The following TRPA1 variants were observed in gnomAD, a reference collection of about 807,000 sequenced individuals.
TRPA1 encodes the protein transient receptor potential cation channel subfamily A member 1, also known as ankyrin-like with transmembrane domains 1.
Under a neutral mutation model 131.3 loss-of-function variants are expected in TRPA1, and 129 were observed. The observed-to-expected ratio is 0.98, with a 90% CI of 0.85 to 1.14. The LOEUF (loss-of-function observed/expected upper bound fraction) is 1.14, where lower values mean the gene tolerates loss of function less well. Ranked by LOEUF, TRPA1 falls within the 50% of genes most tolerant of loss-of-function variation. The pLI is 0.00. For missense variants in TRPA1, 1,304 were observed against 1,354.2 expected (o/e 0.96, Z 0.58); for synonymous variants, 441 against 451.7 (o/e 0.98, Z 0.30).
rs117569220 is a variant in TRPA1 at position 72,046,422 on chromosome 8, A to G, written c.2061+91T>C. Reference sequence around the variant, plus strand: ...TTTCTCATATGTAACTAACCTGCACAATGTGCACATGTACCCTAAAACTTA... The same window carrying G: ...TTTCTCATATGTAACTAACCTGCACGATGTGCACATGTACCCTAAAACTTA... On this transcript the variant is annotated intron_variant, in intron 17 of 26. Coordinates refer to ENST00000262209, the MANE Select transcript of TRPA1 (RefSeq NM_007332.3). 4.1e-3 allele frequency: 2,889 copies of G among 706,756 alleles called. 81 individuals are homozygous for G. In the East Asian group the frequency reaches 0.058, roughly 14 times the overall value. 43.8% of individuals were successfully genotyped at this position (706,756 alleles called of 1,614,324 possible).
chr8:72,057,031 C>T lies in TRPA1; in HGVS notation c.1094-14G>A, dbSNP rs756730185. ...CTACTTGGGCACCTAAAAAAAAACA[C>T]TATGTAAATATAAATTCTATTCATT... On this transcript the variant is annotated splice_polypyrimidine_tract_variant and intron_variant, in intron 9 of 26. Coordinates refer to ENST00000262209, the MANE Select transcript of TRPA1 (RefSeq NM_007332.3). The T allele has an allele frequency of 3.0e-5, 46 of 1,548,154 alleles. No homozygotes were observed. Among genetic ancestry groups the T allele is most frequent in the Non-Finnish European group, 3.8e-5 (43 of 1,129,700 alleles).
In TRPA1 at chr8:72,047,207, C is replaced by T. The variant is rs532228813; in HGVS notation, c.1906G>A (p.Val636Ile). 3.1e-6 allele frequency: 5 copies of T among 1,610,412 alleles called. No homozygotes were observed. In the South Asian group the frequency reaches 3.3e-5, roughly 11 times the overall value. ...MIEYLPECMKVLLDFCMLHST... is the reference protein window; with the variant it reads ...MIEYLPECMKILLDFCMLHST... ...TGCAACATGCAGAAATCTAAAAGTA[C>T]CTTTGAAAGAGAAAAACCAGCTAAG... Residue 636 changes from valine to isoleucine, a missense_variant and splice_region_variant, in exon 16 of 27, where the codon GTA becomes ATA. By Grantham distance (29) the Val-to-Ile change is conservative. Coordinates refer to ENST00000262209, the MANE Select transcript of TRPA1 (RefSeq NM_007332.3).
chr8:72,046,649 G>C (rs778160392), intron 16 of TRPA1, 41 bp from the exon 17 acceptor site: 2 of 1,053,386 alleles, frequency 1.9e-6, no homozygotes, highest in South Asian at 2.7e-5. Context: ...TGTACAGTTA[G>C]TCAAGTATAG....
At position 72,047,197 on chromosome 8, in the gene TRPA1, T is replaced by C; in HGVS notation, c.1916A>G (p.Asp639Gly). 1 of 1,611,244 alleles carries C rather than the reference T, an allele frequency of 6.2e-7. No individual in the cohort carries two copies. Among genetic ancestry groups the C allele is most frequent in the Non-Finnish European group, 8.5e-7 (1 of 1,178,060 alleles). The change falls in exon 16 of 27, where the codon GAT (aspartate) becomes GGT (glycine). Residue 639 changes from aspartate to glycine, a missense_variant. Transcript: ENST00000262209. The part of the protein sequence containing the change: ...YLPECMKVLL[D>G]FCMLHSTEDK... ...TTCTGTGGAATGCAACATGCAGAAA[T>C]CTAAAAGTACCTTTGAAAGAGAAAA... is the stretch of plus-strand genomic sequence containing the variant.
At position 72,062,802 on chromosome 8, in the gene TRPA1, C is replaced by T. The variant is rs1204094458; in HGVS notation, c.804G>A (p.Val268=). The T allele has an allele frequency of 6.2e-6, 10 of 1,613,800 alleles. No individual in the cohort carries two copies. Among genetic ancestry groups the T allele is most frequent in the South Asian group, 1.1e-5 (1 of 91,068 alleles). Residue 268 remains valine (V), a synonymous_variant, in exon 6 of 27, where the codon GTG becomes GTA. Transcript: ENST00000262209. ...TATATAGAATATGAAGAGTTACCTC[C>T]ACTGGGTCTATTTGTGCACCATTGT... ...CLDNGAQIDP[V]EKGRCTAIHF... is the part of the protein sequence containing the mutation.
At chr8:72,056,172 C>A (rs573533393) in intron 10 of TRPA1, 1 of 364,492 alleles carries the variant, frequency 2.7e-6, no homozygotes, top group Non-Finnish European at 5.1e-6. Context: ...GCCCTTCCCT[C>A]TGCCCCTCCT....
At chr8:72,082,702 A>G in the TRPA1 span, among the ~76,000 whole-genome samples, 1 of 151,308 alleles carries the variant, frequency 6.6e-6, no homozygotes, top group Non-Finnish European at 1.5e-5. Context: ...TTTCAATTAG[A>G]TAAGTAGTTT....
At chr8:72,036,031 G>A (rs80154018) in intron 21 of TRPA1, among the ~76,000 whole-genome samples, 7,223 of 93,656 alleles carry the variant, frequency 0.077, 249 homozygotes, top group African/African-American at 0.11. Context: ...AAAAAAAAAA[G>A]AAGAAGAAGA....
chr8:72,036,376 A>G lies in TRPA1; in HGVS notation c.2467T>C (p.Phe823Leu), dbSNP rs1474680327. 2 of 1,614,208 alleles carry G rather than the reference A, an allele frequency of 1.2e-6. No homozygotes were observed. Among genetic ancestry groups the G allele is most frequent in the East Asian group, 2.2e-5 (1 of 44,884 alleles). The change falls in exon 21 of 27, where the codon TTT (phenylalanine) becomes CTT (leucine). Residue 823 changes from phenylalanine (F) to leucine (L), a missense_variant. Phe to Leu is a conservative substitution (Grantham distance 22, BLOSUM62 0). Transcript: ENST00000262209. ...TGCAGATGAGCTGGTATTTCAACAAACAAGGGCAGCACAAAAATGATGCCC... is the reference window on the plus strand; with the variant it reads ...TGCAGATGAGCTGGTATTTCAACAAGCAAGGGCAGCACAAAAATGATGCCC... ...TTGIIFVLPLFVEIPAHLQWQ... is the reference protein window; with the variant it reads ...TTGIIFVLPLLVEIPAHLQWQ...
intron 22 of TRPA1, among the ~76,000 whole-genome samples, 170 bp from the exon 23 acceptor site, chr8:72,033,996 A>C (rs1394461113): frequency 6.6e-6 from 1 of 152,248 alleles, no homozygotes; most frequent in Admixed American, 6.5e-5. Context: ...AGTCATCAAA[A>C]ATATGTTATC....
chr8:72,061,467 C>T (rs16937955), intron 7 of TRPA1, among the ~76,000 whole-genome samples, 158 bp downstream of exon 7: 16,830 of 152,154 alleles, frequency 0.11, 1,087 homozygotes, highest in East Asian at 0.29. Flanking sequence ...AAGGAACATA[C>T]GCGATTCCGG....
At chr8:72,052,994 T>TGTGTGTGTGTGTGTGTGA (rs1491537785) in intron 13 of TRPA1, 2 of 330,380 alleles carry the variant, frequency 6.1e-6, no homozygotes, top group Admixed American at 4.9e-5. Context: ...TGTGTGTGTG[T>TGTGTGTGTGTGTGTGTGA]GAGAGATAGA....
At position 72,055,826 on chromosome 8, in the gene TRPA1, A is replaced by T. The variant is rs1174208386; in HGVS notation, c.1224T>A (p.Asp408Glu). ...GAGGAGTACACCCATCGTTGTCTTC[A>T]TCCATTACCAGCTCTTTGATCTGTT... ...QMQQIKELVM[D>E]EDNDGCTPLH... The change falls in exon 11 of 27, where the codon GAT (aspartate) becomes GAA (glutamate). Residue 408 changes from aspartate (D) to glutamate (E), a missense_variant. Transcript: ENST00000262209. The T allele has an allele frequency of 3.7e-6, 6 of 1,613,328 alleles. No individual in the cohort carries two copies. The highest frequency in any genetic ancestry group is 5.1e-6 in the Non-Finnish European group (6 of 1,179,624).
intron 2 of TRPA1, among the ~76,000 whole-genome samples, chr8:72,071,209 C>A (rs1166757727): frequency 6.6e-6 from 1 of 152,096 alleles, no homozygotes; most frequent in Admixed American, 6.6e-5. Context: ...ACAGAATTAT[C>A]TTATATAGCA....
At chr8:72,084,265 T>C in the TRPA1 span, among the ~76,000 whole-genome samples, 1 of 152,010 alleles carries the variant, frequency 6.6e-6, no homozygotes, top group African/African-American at 2.4e-5. Context: ...TTGAGTCAAA[T>C]TTATCAATTT....
In TRPA1 at chr8:72,055,730, A is replaced by G. The variant is rs1236221395; in HGVS notation, c.1320T>C (p.His440=). ...NNLLGFNVSI[H]SKSKDKKSPL... ...GTGATTTCTTATCTTTGCTTTTGGA[A>G]TGAATGGACACATTAAAGCCAAGTA... Residue 440 remains histidine, a synonymous_variant, in exon 11 of 27, where the codon CAT becomes CAC. Transcript: ENST00000262209. The G allele has an allele frequency of 5.0e-6, 8 of 1,613,460 alleles. No individual in the cohort carries two copies. Among genetic ancestry groups the G allele is most frequent in the Non-Finnish European group, 6.8e-6 (8 of 1,179,624 alleles).
chr8:72,079,804 T>C (rs1806255503), upstream of TRPA1, among the ~76,000 whole-genome samples: 1 of 151,946 alleles, frequency 6.6e-6, no homozygotes. Context: ...ATGGTATATT[T>C]TCAGTTTATA....
At position 72,069,040 on chromosome 8, in the gene TRPA1, T is replaced by C. The variant is rs761428917; in HGVS notation, c.427A>G (p.Asn143Asp). Residue 143 changes from asparagine to aspartate, a missense_variant, in exon 3 of 27, where the codon AAT (asparagine) becomes GAT (aspartate). Asn to Asp is a conservative substitution (Grantham distance 23). Transcript: ENST00000262209. ...APLHIAVQGMNNEVMKVLLEH... is the reference protein window; with the variant it reads ...APLHIAVQGMDNEVMKVLLEH... ...AGCCTTACCTTCATCACCTCATTAT[T>C]CATGCCCTGCACAGCTATGTGGAGA... The C allele has an allele frequency of 1.9e-6, 3 of 1,614,222 alleles. No homozygotes were observed. Among genetic ancestry groups the C allele is most frequent in the Admixed American group, 1.7e-5 (1 of 60,020 alleles).
chr8:72,034,191 A>T, intron 22 of TRPA1, 57 bp downstream of exon 22: 1 of 1,451,306 alleles, frequency 6.9e-7, no homozygotes, highest in Non-Finnish European at 9.5e-7. Flanking sequence ...TTTAAATATA[A>T]ATATATATTT....
Sources: gnomAD v4.1 joint callset for allele counts (sites outside exome capture counted in the v4.1 genomes callset) on GRCh38, gnomAD v4.1.1 for gene constraint, MANE v1.5 for transcripts, NCBI Gene and HGNC (gene_info 2026-07-23, HGNC 2026-07-21) for gene names.